The following IKZF2 variants were observed in gnomAD, a reference collection of about 807,000 sequenced individuals.
IKZF2 encodes IKAROS family zinc finger 2, also known as zinc finger protein Helios.
In IKZF2, 15 loss-of-function variants were observed where a neutral mutation model predicts 49.2. The ratio of observed to expected loss-of-function variants is 0.30; its 90% confidence interval spans 0.20 to 0.47. The LOEUF (loss-of-function observed/expected upper bound fraction) is 0.47, where lower values mean the gene tolerates loss of function less well. IKZF2 is among the 20% of genes least tolerant of loss of function. The pLI, the probability that IKZF2 is intolerant of heterozygous loss-of-function variation, is 1.00. For synonymous variants in IKZF2, 227 were observed against 221.4 expected, an observed-to-expected ratio of 1.03 and a Z score of -0.23; for missense variants, 567 against 664.6, an observed-to-expected ratio of 0.85 and a Z score of 1.61.
At chr2:213,026,451 T>G (rs1697830188) in intron 6 of IKZF2, among the ~76,000 whole-genome samples, 1 of 152,164 alleles carries the variant, frequency 6.6e-6, no homozygotes, top group Non-Finnish European at 1.5e-5. Flanking sequence ...AACAATATCT[T>G]ATGTGTCTTT....
intron 6 of IKZF2, among the ~76,000 whole-genome samples, chr2:213,047,118 C>A (rs1273182683): frequency 1.3e-5 from 2 of 152,154 alleles, no homozygotes; most frequent in Non-Finnish European, 2.9e-5. Flanking sequence ...CCTTCCCTTT[C>A]TCTTCAATAT....
intron 6 of IKZF2, among the ~76,000 whole-genome samples, chr2:213,041,184 A>G (rs989051494): frequency 3.9e-5 from 6 of 152,298 alleles, no homozygotes; most frequent in Admixed American, 3.3e-4. Context: ...GATGATTTGT[A>G]TAGTAAATCT....
intron 4 of IKZF2, among the ~76,000 whole-genome samples, chr2:213,101,506 T>C (rs920767833): frequency 6.6e-6 from 1 of 152,064 alleles, no homozygotes; most frequent in African/African-American, 2.4e-5. Context: ...CATTGATGTT[T>C]TTCTGGCAAC....
intron 4 of IKZF2, among the ~76,000 whole-genome samples, chr2:213,143,656 T>A (rs2060949234): frequency 6.6e-6 from 1 of 151,886 alleles, no homozygotes; most frequent in Non-Finnish European, 1.5e-5. Flanking sequence ...ATCAAGCCCA[T>A]CTGGTGTTAT....
At chr2:213,076,058 G>A (rs1407818491) in intron 4 of IKZF2, among the ~76,000 whole-genome samples, 3 of 151,950 alleles carry the variant, frequency 2.0e-5, no homozygotes, top group African/African-American at 7.2e-5. Flanking sequence ...TTAAATCACT[G>A]ATTGTAAAAA....
chr2:213,037,174 G>A (rs1699113347), intron 6 of IKZF2, among the ~76,000 whole-genome samples: 1 of 152,198 alleles, frequency 6.6e-6, no homozygotes, highest in Non-Finnish European at 1.5e-5. Flanking sequence ...GGACAGTGTA[G>A]ATTATTCAGA....
chr2:213,062,282 A>G (rs1220426805), intron 4 of IKZF2, among the ~76,000 whole-genome samples: 1 of 151,676 alleles, frequency 6.6e-6, no homozygotes, highest in East Asian at 1.9e-4. Context: ...AAACTTTATT[A>G]TTAATATGAC....
At chr2:213,092,393 G>A (rs1705450629) in intron 4 of IKZF2, among the ~76,000 whole-genome samples, 1 of 152,090 alleles carries the variant, frequency 6.6e-6, no homozygotes, top group Non-Finnish European at 1.5e-5. Flanking sequence ...TACAGTTATG[G>A]TCATATTTAA....
chr2:213,055,386 T>TA (rs1234342593), intron 5 of IKZF2, among the ~76,000 whole-genome samples: 2 of 152,100 alleles, frequency 1.3e-5, no homozygotes, highest in Non-Finnish European at 2.9e-5. Context: ...CTAAGACACT[T>TA]AAAAATTAAA....
At chr2:213,074,531 T>C (rs1412046003) in intron 4 of IKZF2, among the ~76,000 whole-genome samples, 1 of 152,208 alleles carries the variant, frequency 6.6e-6, no homozygotes, top group Non-Finnish European at 1.5e-5. Flanking sequence ...GGCATGCACA[T>C]GACTGTACAT....
intron 4 of IKZF2, among the ~76,000 whole-genome samples, chr2:213,083,551 CTTTTTTTTTTT>C (rs35297007): frequency 1.1e-5 from 1 of 93,956 alleles, no homozygotes; most frequent in Non-Finnish European, 2.0e-5. Flanking sequence ...ACCAGGCTAA[CTTTTTTTTTTT>C]TTTTTTTTTT....
chr2:213,135,457 C>T (rs768238409), intron 4 of IKZF2, among the ~76,000 whole-genome samples: 12 of 152,136 alleles, frequency 7.9e-5, no homozygotes, highest in Admixed American at 2.0e-4. Flanking sequence ...GAGGCTGAGG[C>T]GGGAGAATCA....
At chr2:213,110,507 T>C (rs989503165) in intron 4 of IKZF2, among the ~76,000 whole-genome samples, 1 of 151,986 alleles carries the variant, frequency 6.6e-6, no homozygotes, top group African/African-American at 2.4e-5. Flanking sequence ...TCTTATTTTT[T>C]ATATACTTGC....
At chr2:213,073,699 T>C (rs1702948603) in intron 4 of IKZF2, among the ~76,000 whole-genome samples, 1 of 152,200 alleles carries the variant, frequency 6.6e-6, no homozygotes, top group Non-Finnish European at 1.5e-5. Context: ...CCATAAAAAC[T>C]TATGAATAAC....
At chr2:213,053,175 G>A (rs976445184) in intron 5 of IKZF2, among the ~76,000 whole-genome samples, 2 of 152,064 alleles carry the variant, frequency 1.3e-5, no homozygotes, top group Non-Finnish European at 2.9e-5. Flanking sequence ...TAACCATAAT[G>A]ACTAATCTTT....
chr2:213,008,347 T>C (rs1695585948), intron 8 of IKZF2, among the ~76,000 whole-genome samples: 1 of 151,766 alleles, frequency 6.6e-6, no homozygotes, highest in South Asian at 2.1e-4. Context: ...TTCTCATGCC[T>C]CAGCCACCTG....
Position 213,039,690 on chromosome 2 carries a change from A to G in IKZF2, c.574+10023T>C, listed in dbSNP as rs551369351. ...TACTCCAAAGTTATGTGATACAGATAACTAATTTTACAAAGTAGTTATTTT... is the reference window on the plus strand; with the variant it reads ...TACTCCAAAGTTATGTGATACAGATGACTAATTTTACAAAGTAGTTATTTT... On this transcript the variant is annotated intron_variant, in intron 6 of 8. Transcript: ENST00000434687. Among the ~76,000 whole-genome samples the G allele has an allele frequency of 2.3e-4, 35 of 152,258 alleles. 1 individual carries two copies. The South Asian group carries it at 5.6e-3, about 24-fold the overall frequency.
At chr2:213,109,859 A>G (rs2059644594) in intron 4 of IKZF2, among the ~76,000 whole-genome samples, 1 of 152,036 alleles carries the variant, frequency 6.6e-6, no homozygotes, top group African/African-American at 2.4e-5. Flanking sequence ...ACTGGTCTTG[A>G]TTTTTGTACA....
chr2:213,129,484 A>C (rs1285194495), intron 4 of IKZF2, among the ~76,000 whole-genome samples: 1 of 151,762 alleles, frequency 6.6e-6, no homozygotes, highest in African/African-American at 2.4e-5. Context: ...TGTCCCGGAA[A>C]AGAAAAAGGG....
Sources: allele counts gnomAD v4.1 joint callset (sites outside exome capture counted in the v4.1 genomes callset), GRCh38; gene constraint gnomAD v4.1.1; transcripts MANE v1.5; gene names NCBI Gene and HGNC (gene_info 2026-07-23, HGNC 2026-07-21).